SENP5: variants seen among roughly 807,000 people sequenced by gnomAD.
The protein encoded by SENP5 is SUMO specific peptidase 5, also known as sentrin-specific protease 5.
In SENP5, 21 loss-of-function variants were observed where a neutral mutation model predicts 74.2. That is an observed-to-expected ratio of 0.28 (90% CI 0.20 to 0.41). The LOEUF (loss-of-function observed/expected upper bound fraction) is 0.41, where lower values mean the gene tolerates loss of function less well. Ranked by LOEUF, SENP5 falls within the 10% of genes least tolerant of loss-of-function variation. SENP5 has a pLI of 1.00. For missense variants in SENP5, 717 were observed against 889.1 expected (o/e 0.81, Z 2.46); for synonymous variants, 311 against 312.7 (o/e 0.99, Z 0.06).
At chr3:196,922,851 G>C (rs1715673601) in intron 6 of SENP5, among the ~76,000 whole-genome samples, 1 of 152,108 alleles carries the variant, frequency 6.6e-6, no homozygotes, top group African/African-American at 2.4e-5. Flanking sequence ...CTGAACTCTT[G>C]AGCTCAAACC....
At chr3:196,909,872 T>A (rs115897205) in intron 6 of SENP5, among the ~76,000 whole-genome samples, 3,770 of 152,256 alleles carry the variant, frequency 0.025, 154 homozygotes, top group African/African-American at 0.086. Context: ...CCATCACTTC[T>A]ATTCAACATA....
At chr3:196,873,435 T>C (rs1237835607) in intron 1 of SENP5, among the ~76,000 whole-genome samples, 4 of 152,170 alleles carry the variant, frequency 2.6e-5, no homozygotes, top group African/African-American at 7.2e-5. Flanking sequence ...TCAAAATGTT[T>C]TTGCTGTTGT....
intron 1 of SENP5, among the ~76,000 whole-genome samples, chr3:196,876,517 C>CAAAAA (rs11294142): frequency 2.1e-5 from 2 of 95,412 alleles, no homozygotes; most frequent in Non-Finnish European, 4.6e-5. Context: ...GATTCTGTCT[C>CAAAAA]AAAAAAAAAA....
In SENP5 at chr3:196,927,836, A is replaced by G; in HGVS notation, c.2063A>G (p.Asn688Ser). ...KYLLTEAREKNRPEFLQGWQT... is the reference protein window; with the variant it reads ...KYLLTEAREKSRPEFLQGWQT... The stretch of plus-strand genomic sequence containing the variant: ...TTGCTGACTGAAGCCAGAGAAAAAA[A>G]TAGACCTGAATTTCTTCAGGGTTGG... Residue 688 changes from asparagine to serine, a missense_variant, in exon 8 of 10, where the codon AAT becomes AGT. Around this residue, in one of 4 missense-constraint regions of SENP5, gnomAD observed 85 missense variants for 188.9 expected, o/e 0.45. Transcript: ENST00000323460. 1.2e-6 allele frequency: 2 copies of G among 1,613,286 alleles called. No individual in the cohort carries two copies. The highest frequency in any genetic ancestry group is 1.7e-6 in the Non-Finnish European group (2 of 1,179,238).
At chr3:196,884,576 A>G (rs772460273) in intron 1 of SENP5, among the ~76,000 whole-genome samples, 14 of 152,050 alleles carry the variant, frequency 9.2e-5, no homozygotes, top group Non-Finnish European at 2.1e-4. Flanking sequence ...CTTTCTGTGT[A>G]TAAGTTTTCT....
intron 1 of SENP5, 26 bp from the exon 2 acceptor site, chr3:196,885,125 A>G: frequency 7.4e-7 from 1 of 1,360,270 alleles, no homozygotes; most frequent in Non-Finnish European, 1.0e-6. Flanking sequence ...TTAGATAGAA[A>G]TATAACTTAC....
At chr3:196,880,869 G>A (rs952762952) in intron 1 of SENP5, among the ~76,000 whole-genome samples, 2 of 151,904 alleles carry the variant, frequency 1.3e-5, no homozygotes, top group South Asian at 2.1e-4. Flanking sequence ...TCGAACTCGC[G>A]ACCTCAGGTG....
At chr3:196,919,610 A>G (rs1184941709) in intron 6 of SENP5, among the ~76,000 whole-genome samples, 1 of 152,158 alleles carries the variant, frequency 6.6e-6, no homozygotes, top group African/African-American at 2.4e-5. Flanking sequence ...CCTGACCAAC[A>G]TGGAGAAACC....
chr3:196,881,211 G>A (rs1713713797), intron 1 of SENP5, among the ~76,000 whole-genome samples: 1 of 152,154 alleles, frequency 6.6e-6, no homozygotes, highest in Non-Finnish European at 1.5e-5. Context: ...GCCTCCCAAA[G>A]TGTGAGATTG....
chr3:196,884,672 TTG>T (rs200712889), intron 1 of SENP5, among the ~76,000 whole-genome samples: 6 of 129,988 alleles, frequency 4.6e-5, no homozygotes, highest in East Asian at 2.0e-4. Flanking sequence ...CAGTTTTTTT[TTG>T]TTTTTTTTTT....
rs1189298893 is a variant in SENP5 at position 196,885,759 on chromosome 3, A to G, written c.578A>G (p.Lys193Arg). 6 of 1,614,100 alleles carry G rather than the reference A, an allele frequency of 3.7e-6. No homozygotes were observed. Among genetic ancestry groups the G allele is most frequent in the Non-Finnish European group, 4.2e-6 (5 of 1,180,038 alleles). The change falls in exon 2 of 10, where the codon AAG becomes AGG. Residue 193 changes from lysine to arginine, a missense_variant. Around this residue, in one of 4 missense-constraint regions of SENP5, gnomAD observed 567 missense variants for 577.4 expected, o/e 0.98. Transcript: ENST00000323460. ...GTCACCTTGAACAACCATAAGAGAA[A>G]GGGCTTTTGTTACGGCTGCTGCCAA... The part of the protein sequence containing the change: ...IVVTLNNHKR[K>R]GFCYGCCQGP...
chr3:196,896,483 C>T (rs1714446949), intron 2 of SENP5, among the ~76,000 whole-genome samples: 1 of 152,046 alleles, frequency 6.6e-6, no homozygotes, highest in African/African-American at 2.4e-5. Context: ...GAGATGAGGT[C>T]TCGCTCTGTT....
rs1716024498 is a variant in SENP5, at chr3:196,931,144, G to T, written c.*221G>T. 2.0e-6 allele frequency: 1 copy of T among 505,900 alleles called. No individual in the cohort carries two copies. The highest frequency in any genetic ancestry group is 3.5e-5 in the Admixed American group (1 of 28,954). 31.3% of individuals were successfully genotyped at this position (505,900 alleles called of 1,614,324 possible). On this transcript the variant is annotated 3_prime_UTR_variant, in exon 10 of 10. Coordinates refer to ENST00000323460, the MANE Select transcript of SENP5 (RefSeq NM_152699.5). ...TTCATTTTTAATTTTATGGTTCTGT[G>T]CGTCCCCCATATTTAATATTTATTA... is the stretch of plus-strand genomic sequence containing the variant.
At chr3:196,909,129 A>C (rs1715021241) in intron 6 of SENP5, among the ~76,000 whole-genome samples, 2 of 152,190 alleles carry the variant, frequency 1.3e-5, no homozygotes, top group Non-Finnish European at 2.9e-5. Context: ...GAATACTATA[A>C]AGACCTCTAC....
chr3:196,872,866 G>A lies in SENP5; in HGVS notation c.-32+4793G>A, dbSNP rs572240099. 2.3e-3 allele frequency among the ~76,000 whole-genome samples: 348 copies of A among 152,270 alleles called. 2 individuals carry two copies. The highest frequency in any genetic ancestry group is 7.8e-3 in the African/African-American group (324 of 41,550). ...TTGGGCTGTGCTGTTCTAGTCTAGA[G>A]AAGAAGACTCCAGGTGTCTGCAAGG... On this transcript the variant is annotated intron_variant, in intron 1 of 9. Coordinates refer to ENST00000323460, the MANE Select transcript of SENP5 (RefSeq NM_152699.5).
chr3:196,896,607 C>T (rs1448690661), intron 2 of SENP5, among the ~76,000 whole-genome samples: 1 of 152,158 alleles, frequency 6.6e-6, no homozygotes, highest in Non-Finnish European at 1.5e-5. Flanking sequence ...GGCACGCTAA[C>T]ATGCCCGGCT....
At chr3:196,908,390 C>T (rs1714992148) in intron 6 of SENP5, among the ~76,000 whole-genome samples, 1 of 152,086 alleles carries the variant, frequency 6.6e-6, no homozygotes. Flanking sequence ...TCTTTGAAAC[C>T]AATGAGAACA....
intron 1 of SENP5, among the ~76,000 whole-genome samples, chr3:196,877,138 A>G (rs1438573908): frequency 2.0e-5 from 3 of 152,106 alleles, no homozygotes; most frequent in Non-Finnish European, 4.4e-5. Flanking sequence ...TGGGCAACAT[A>G]GTGAGACCCC....
At chr3:196,894,122 T>G (rs943437142) in intron 2 of SENP5, among the ~76,000 whole-genome samples, 4 of 147,396 alleles carry the variant, frequency 2.7e-5, no homozygotes, top group African/African-American at 5.0e-5. Flanking sequence ...TGTGGTTTTT[T>G]TTTTTTTTTT....
Sources: gnomAD v4.1 joint callset for allele counts (sites outside exome capture counted in the v4.1 genomes callset) on GRCh38, gnomAD v4.1.1 for gene constraint, gnomAD v4.1.1 regional missense constraint, MANE v1.5 for transcripts, NCBI Gene and HGNC (gene_info 2026-07-23, HGNC 2026-07-21) for gene names.